IL20RB: variants seen among roughly 807,000 people sequenced by gnomAD.
IL20RB encodes the protein interleukin-20 receptor subunit beta.
A neutral mutation model predicts 33.3 loss-of-function variants in IL20RB; 21 were observed. That is an observed-to-expected ratio of 0.63 (90% CI 0.45 to 0.91). IL20RB has a LOEUF of 0.91. Ranked by LOEUF, IL20RB falls within the 40% of genes least tolerant of loss-of-function variation. IL20RB has a pLI of 0.00. For synonymous variants in IL20RB, 147 were observed against 146.8 expected, an observed-to-expected ratio of 1.00 and a Z score of -0.01; for missense variants, 345 against 384.8, an observed-to-expected ratio of 0.90 and a Z score of 0.86.
At chr3:137,009,536 T>TTTG (rs747087866) in intron 6 of IL20RB, among the ~76,000 whole-genome samples, 8 of 151,834 alleles carry the variant, frequency 5.3e-5, no homozygotes, top group East Asian at 1.9e-4. Context: ...AGGTTAGGGT[T>TTTG]TTGTTGTTGT....
chr3:136,982,932 G>A (rs983507322), intron 3 of IL20RB, among the ~76,000 whole-genome samples: 1 of 152,204 alleles, frequency 6.6e-6, no homozygotes, highest in African/African-American at 2.4e-5. Context: ...ACTGGTCATT[G>A]TATAAAAGGA....
intron 3 of IL20RB, among the ~76,000 whole-genome samples, chr3:136,985,335 CTCTT>C (rs1334563213): frequency 8.2e-5 from 11 of 134,060 alleles, no homozygotes; most frequent in East Asian, 5.0e-4. Flanking sequence ...CTCTCTCTCT[CTCTT>C]TTTTTTTTTT....
At chr3:136,978,604 GC>G (rs1427592186) in intron 1 of IL20RB, among the ~76,000 whole-genome samples, 1 of 152,134 alleles carries the variant, frequency 6.6e-6, no homozygotes. Flanking sequence ...TGTTGAACCA[GC>G]CCTGCATACC....
chr3:136,961,510 G>A (rs1941215655), intron 1 of IL20RB, among the ~76,000 whole-genome samples: 1 of 151,566 alleles, frequency 6.6e-6, no homozygotes, highest in Non-Finnish European at 1.5e-5. Flanking sequence ...GGGCTCCTTA[G>A]AGAAGTGATT....
intron 1 of IL20RB, among the ~76,000 whole-genome samples, chr3:136,976,443 ACAGCCCTGGCGGGGCTTACCCCC>A (rs1212909579): frequency 1.3e-5 from 2 of 152,156 alleles, no homozygotes; most frequent in Non-Finnish European, 2.9e-5. Context: ...CTCATGCTTC[ACAGCCCTGGCGGGGCTTACCCCC>A]CAGCCCTGGC....
intron 5 of IL20RB, among the ~76,000 whole-genome samples, chr3:136,993,712 T>C (rs1942075471): frequency 6.6e-6 from 1 of 152,058 alleles, no homozygotes; most frequent in African/African-American, 2.4e-5. Context: ...AGAATGATGG[T>C]TCTCCCTCAT....
chr3:137,010,512 A>C lies in IL20RB; in HGVS notation c.*289A>C, dbSNP rs1245920865. 1 of 317,390 alleles carries C rather than the reference A, an allele frequency of 3.2e-6. No individual in the cohort carries two copies. Among genetic ancestry groups the C allele is most frequent in the Non-Finnish European group, 5.9e-6 (1 of 170,152 alleles). The allele number at this position is 317,390 out of a possible 1,614,324, so 19.7% of individuals were successfully genotyped here. On this transcript the variant is annotated 3_prime_UTR_variant, in exon 7 of 7. Transcript: ENST00000329582. Reference sequence around the variant, plus strand: ...TTCGGTCCTAAGTTTTCTCATCTGTAATGGGGGAATTACCTACACACCTGC... The same window carrying C: ...TTCGGTCCTAAGTTTTCTCATCTGTCATGGGGGAATTACCTACACACCTGC...
At chr3:136,960,364 T>C (rs1306061349) in intron 1 of IL20RB, among the ~76,000 whole-genome samples, 1 of 152,078 alleles carries the variant, frequency 6.6e-6, no homozygotes, top group African/African-American at 2.4e-5. Context: ...CCCAGGATGG[T>C]CTCGATCTCT....
rs530734245 is a variant in IL20RB at position 136,980,383 on chromosome 3, C to T, written c.89-83C>T. ...TTACTGCAACCTCCGCCAGTGAGGCCCTTCATTAGACACTAATTTGAAGCT... is the reference window on the plus strand; with the variant it reads ...TTACTGCAACCTCCGCCAGTGAGGCTCTTCATTAGACACTAATTTGAAGCT... On this transcript the variant is annotated intron_variant, in intron 1 of 6. Coordinates refer to ENST00000329582, the MANE Select transcript of IL20RB (RefSeq NM_144717.4). 103 of 1,562,328 alleles carry T rather than the reference C, an allele frequency of 6.6e-5. 1 individual carries two copies. In the South Asian group the frequency reaches 1.1e-3, roughly 17 times the overall value.
chr3:136,995,536 G>A lies in IL20RB; in HGVS notation c.805G>A (p.Val269Met), dbSNP rs1942109557. The A allele has an allele frequency of 2.5e-6, 4 of 1,614,028 alleles. No homozygotes were observed. The highest frequency in any genetic ancestry group is 1.3e-5 in the African/African-American group (1 of 74,916). The part of the protein sequence containing the change: ...RLLQYSCCPV[V>M]VLPDTLKITN... ...GCTCCAGTACTCCTGTTGCCCCGTG[G>A]TGGTCCTCCCAGACACCTTGGTAAT... Residue 269 changes from valine to methionine, a missense_variant, in exon 6 of 7, where the codon GTG (valine) becomes ATG (methionine). Physicochemically the swap from Val to Met is conservative, Grantham distance 21. Coordinates refer to ENST00000329582, the MANE Select transcript of IL20RB (RefSeq NM_144717.4).
chr3:136,978,246 A>T (rs1160254826), intron 1 of IL20RB, among the ~76,000 whole-genome samples: 2 of 150,122 alleles, frequency 1.3e-5, no homozygotes, highest in Non-Finnish European at 1.5e-5. Flanking sequence ...GCTCACTGCA[A>T]CCTCCGTCTC....
intron 1 of IL20RB, among the ~76,000 whole-genome samples, chr3:136,973,736 G>T (rs1490399330): frequency 6.6e-6 from 1 of 151,872 alleles, no homozygotes; most frequent in South Asian, 2.1e-4. Flanking sequence ...TAAGACTCTG[G>T]GTGCTCCAGT....
chr3:136,989,329 C>T, intron 3 of IL20RB, 112 bp from the exon 4 acceptor site: 1 of 1,267,182 alleles, frequency 7.9e-7, no homozygotes, highest in Non-Finnish European at 1.1e-6. Context: ...AGCAGACTCC[C>T]TTCCTCTCCT....
chr3:136,970,821 T>G (rs1341316220), intron 1 of IL20RB, among the ~76,000 whole-genome samples: 1 of 150,156 alleles, frequency 6.7e-6, no homozygotes, highest in Non-Finnish European at 1.5e-5. Flanking sequence ...CCAGGCTAAT[T>G]TTTTGTATTT....
At chr3:136,982,471 G>C in intron 3 of IL20RB, 121 bp downstream of exon 3, 1 of 670,808 alleles carries the variant, frequency 1.5e-6, no homozygotes. Context: ...AGAGTATTGT[G>C]AACACAAACA....
intron 4 of IL20RB, among the ~76,000 whole-genome samples, chr3:136,991,346 TTA>T (rs1942026945): frequency 6.6e-6 from 1 of 152,186 alleles, no homozygotes; most frequent in Non-Finnish European, 1.5e-5. Context: ...GTGTATTTTT[TTA>T]TAGTCTGTTT....
chr3:136,989,230 C>T (rs1941975977), intron 3 of IL20RB, among the ~76,000 whole-genome samples: 1 of 152,192 alleles, frequency 6.6e-6, no homozygotes, highest in South Asian at 2.1e-4. Context: ...TTTGTTTCTT[C>T]ATTTATTCAT....
In IL20RB at chr3:136,973,143, T is replaced by A. The variant is rs79913734; in HGVS notation, c.89-7323T>A. On this transcript the variant is annotated intron_variant, in intron 1 of 6. Coordinates refer to ENST00000329582, the MANE Select transcript of IL20RB (RefSeq NM_144717.4). ...TTTTCTTGGTGTTGGTTTCTAGTTT[T>A]ATTCCATTGTGCTCTGAGAAGATGC... Among the ~76,000 whole-genome samples, 1,520 of 152,260 alleles carry A rather than the reference T, an allele frequency of 1.0e-2. 36 individuals carry two copies. Among genetic ancestry groups the A allele is most frequent in the African/African-American group, 0.035 (1,455 of 41,528 alleles).
intron 3 of IL20RB, among the ~76,000 whole-genome samples, chr3:136,985,752 AG>A (rs1941883754): frequency 1.3e-5 from 2 of 152,082 alleles, no homozygotes; most frequent in African/African-American, 4.8e-5. Flanking sequence ...TTCCCCAGAG[AG>A]TCTGGTTTAA....
Sources: allele counts gnomAD v4.1 joint callset (sites outside exome capture counted in the v4.1 genomes callset), GRCh38; gene constraint gnomAD v4.1.1; transcripts MANE v1.5; gene names NCBI Gene and HGNC (gene_info 2026-07-23, HGNC 2026-07-21).